Variants in ACOX3 observed in about 807,000 individuals in gnomAD.
The protein encoded by ACOX3 is peroxisomal acyl-coenzyme A oxidase 3.
Under a neutral mutation model 81.5 loss-of-function variants are expected in ACOX3, and 73 were observed. That is an observed-to-expected ratio of 0.90 (90% CI 0.74 to 1.09). The LOEUF (loss-of-function observed/expected upper bound fraction) is 1.09. Among genes scored for constraint, ACOX3 ranks in the 50% least tolerant of loss-of-function variants. The probability of loss-of-function intolerance (pLI) is 0.00; values close to 1 mark genes in which losing one functional copy is unlikely to be tolerated. For missense variants in ACOX3, 947 were observed against 928.0 expected, an observed-to-expected ratio of 1.02 and a Z score of -0.27; for synonymous variants, 387 against 375.1, an observed-to-expected ratio of 1.03 and a Z score of -0.37.
At chr4:8,373,186 T>C (rs1222049275) in intron 16 of ACOX3, among the ~76,000 whole-genome samples, 3 of 152,206 alleles carry the variant, frequency 2.0e-5, no homozygotes, top group Non-Finnish European at 4.4e-5. Flanking sequence ...TGAGAGGGCC[T>C]GGGTGTGTGC....
At chr4:8,363,809 G>A (rs1463365258), downstream of ACOX3, among the ~76,000 whole-genome samples, 3 of 152,080 alleles carry the variant, frequency 2.0e-5, no homozygotes, top group Admixed American at 6.6e-5. Context: ...ACCTCTCGTT[G>A]TCCTCACTGC....
rs929909114 is a variant in ACOX3, at chr4:8,394,945, T to C, written c.1057-203A>G. 5.0e-6 allele frequency: 3 copies of C among 605,244 alleles called. No homozygotes were observed. Among genetic ancestry groups the C allele is most frequent in the Non-Finnish European group, 8.1e-6 (3 of 369,332 alleles). The allele number at this position is 605,244 out of a possible 1,614,324, so 37.5% of individuals were successfully genotyped here. On this transcript the variant is annotated intron_variant, in intron 9 of 17. Transcript: ENST00000356406. The surrounding 1 kb of genome is among the most constrained non-coding windows in gnomAD (Gnocchi z 5.9). ...ACTCAGCCAGTTCGGCTTTCACCCA[T>C]AGCCCTTGACAGACAAGCTCAAACG...
intron 8 of ACOX3, among the ~76,000 whole-genome samples, chr4:8,398,350 G>A (rs557489767): frequency 2.6e-4 from 40 of 152,194 alleles, no homozygotes; most frequent in African/African-American, 8.2e-4. Flanking sequence ...TTTCTCTACC[G>A]TGTGTCTGGG....
In ACOX3 at chr4:8,414,147, A is replaced by C. The variant is rs1722077672; in HGVS notation, c.543+145T>G. On this transcript the variant is annotated intron_variant, in intron 5 of 17. Coordinates refer to ENST00000356406, the MANE Select transcript of ACOX3 (RefSeq NM_003501.3). The surrounding 1 kb of genome is among the most constrained non-coding windows in gnomAD (Gnocchi z 6.1). ...CTGGGCCCCACTTTTCAGTGTGATG[A>C]ATCTCAGTGGGTATTTCTACACAAG... 1 of 692,518 alleles carries C rather than the reference A, an allele frequency of 1.4e-6. No homozygotes were observed. The allele number at this position is 692,518 out of a possible 1,614,324, so 42.9% of individuals were successfully genotyped here. A position where few individuals can be genotyped will look rare whatever the true frequency, so the allele number is the denominator to read the frequency against.
intron 6 of ACOX3, 52 bp downstream of exon 6, chr4:8,410,160 T>G: frequency 6.3e-7 from 1 of 1,580,412 alleles, no homozygotes; most frequent in Non-Finnish European, 8.6e-7. Context: ...ACATTACCAG[T>G]GCTTCCTGGG....
At chr4:8,392,680 A>T (rs1392192178) in intron 10 of ACOX3, among the ~76,000 whole-genome samples, 1 of 152,266 alleles carries the variant, frequency 6.6e-6, no homozygotes, top group African/African-American at 2.4e-5. Flanking sequence ...ATGAAAACAC[A>T]GCTCTACACA....
At chr4:8,422,547 CAGA>C (rs1246817649) in intron 1 of ACOX3, among the ~76,000 whole-genome samples, 3 of 152,094 alleles carry the variant, frequency 2.0e-5, no homozygotes, top group Admixed American at 2.0e-4. Context: ...CTCAGGCAAG[CAGA>C]AGTTCACTTC....
rs945095455 is a variant in ACOX3, at chr4:8,438,404, G to A, written c.-15+2244C>T. On this transcript the variant is annotated intron_variant, in intron 1 of 17. Coordinates refer to ENST00000356406, the MANE Select transcript of ACOX3 (RefSeq NM_003501.3). ...TCGAGCAGCTACTGAAAAAAATATT[G>A]CCAGGAAATTCATTTAAGATAAAAT... Among the ~76,000 whole-genome samples, 3 of 152,156 alleles carry A rather than the reference G, an allele frequency of 2.0e-5. No homozygotes were observed. In the East Asian group the frequency reaches 5.8e-4, roughly 29 times the overall value.
downstream of ACOX3, among the ~76,000 whole-genome samples, chr4:8,363,346 T>C (rs1202282268): frequency 4.6e-5 from 7 of 152,234 alleles, no homozygotes; most frequent in African/African-American, 1.7e-4. Flanking sequence ...GAATGTTTTC[T>C]TAAACACTTA....
At chr4:8,402,753 TTGTG>T (rs144037293) in intron 7 of ACOX3, among the ~76,000 whole-genome samples, 6 of 151,556 alleles carry the variant, frequency 4.0e-5, no homozygotes, top group Admixed American at 1.3e-4. Context: ...AGCACAGGAG[TTGTG>T]TGTGTGTGTC....
At chr4:8,388,669 C>T (rs935179329) in intron 13 of ACOX3, among the ~76,000 whole-genome samples, 16 of 152,196 alleles carry the variant, frequency 1.1e-4, no homozygotes, top group South Asian at 4.1e-4. Context: ...CCCCGACCAC[C>T]GCACCCACAG....
At position 8,414,258 on chromosome 4, in the gene ACOX3, C is replaced by G. The variant is rs549475913; in HGVS notation, c.543+34G>C. On this transcript the variant is annotated intron_variant, in intron 5 of 17. Transcript: ENST00000356406. This position sits in a 1 kb window ranked among gnomAD's most constrained non-coding sequence, Gnocchi z 6.1. The stretch of plus-strand genomic sequence containing the variant: ...TGCACTCATGACGTCTCATATGCTC[C>G]AAACTCAGGGACCCGGGGGAAGGTA... 6.3e-7 allele frequency: 1 copy of G among 1,588,392 alleles called. No individual in the cohort carries two copies. The highest frequency in any genetic ancestry group is 8.6e-7 in the Non-Finnish European group (1 of 1,156,902).
At chr4:8,439,909 GAA>G (rs371075141) in intron 1 of ACOX3, among the ~76,000 whole-genome samples, 1 of 148,846 alleles carries the variant, frequency 6.7e-6, no homozygotes, top group Non-Finnish European at 1.5e-5. Flanking sequence ...AAGACAGGAG[GAA>G]AAGAGAGAAA....
chr4:8,379,725 C>T (rs977825236), intron 14 of ACOX3, among the ~76,000 whole-genome samples: 3 of 152,094 alleles, frequency 2.0e-5, no homozygotes, highest in Non-Finnish European at 2.9e-5. Context: ...TCCTTTTGTG[C>T]CCCCCATCTC....
chr4:8,380,069 C>T (rs182381793), intron 14 of ACOX3, among the ~76,000 whole-genome samples: 25 of 152,284 alleles, frequency 1.6e-4, no homozygotes, highest in Middle Eastern at 3.4e-3. Context: ...GTAAACAAGG[C>T]GGCCTGTTCT....
At chr4:8,377,788 G>A (rs533323656) in intron 14 of ACOX3, among the ~76,000 whole-genome samples, 11 of 152,304 alleles carry the variant, frequency 7.2e-5, no homozygotes, top group South Asian at 2.1e-4. Context: ...CATCCCATGC[G>A]GTATGGACTC....
In ACOX3 at chr4:8,407,216, T is replaced by C. The variant is rs925945961; in HGVS notation, c.688-1173A>G. On this transcript the variant is annotated intron_variant, in intron 6 of 17. Coordinates refer to ENST00000356406, the MANE Select transcript of ACOX3 (RefSeq NM_003501.3). This position sits in a 1 kb window ranked among gnomAD's most constrained non-coding sequence, Gnocchi z 4.6. ...TGGCCTGGTTTTTCCTAGGTTATGA[T>C]TATAGAGCGAGGATTATTATAATAT... 3.3e-5 allele frequency among the ~76,000 whole-genome samples: 5 copies of C among 152,254 alleles called. No homozygotes were observed. The highest frequency in any genetic ancestry group is 7.3e-5 in the Non-Finnish European group (5 of 68,044).
intron 5 of ACOX3, among the ~76,000 whole-genome samples, chr4:8,411,962 C>T (rs1327795326): frequency 2.6e-5 from 4 of 152,242 alleles, no homozygotes; most frequent in African/African-American, 9.6e-5. Context: ...TGATGCCACA[C>T]TCTGACCTCC....
Position 8,397,030 on chromosome 4 carries a change from C to CAGCTTTGCA in ACOX3, c.962_963insTGCAAAGCT (p.Lys320_Ala322dup). 6.2e-7 allele frequency: 1 copy of CAGCTTTGCA among 1,611,672 alleles called. No homozygotes were observed. The highest frequency in any genetic ancestry group is 8.5e-7 in the Non-Finnish European group (1 of 1,179,046). On this transcript the variant is annotated inframe_insertion, in exon 9 of 18. Transcript: ENST00000356406. ...AGAAGCGAAGAGCGATGGCCACGGC[C>CAGCTTTGCA]AGCTTTAGGTTAAGGATGGCCAGGC...
Sources: gnomAD v4.1 joint callset for allele counts (sites outside exome capture counted in the v4.1 genomes callset) on GRCh38, gnomAD v4.1.1 for gene constraint, Gnocchi (gnomAD v3.1) non-coding constraint, MANE v1.5 for transcripts, NCBI Gene and HGNC (gene_info 2026-07-23, HGNC 2026-07-21) for gene names.